Variants in FBXL5 observed in about 807,000 individuals in gnomAD.
FBXL5 encodes the protein F-box and leucine rich repeat protein 5.
FBXL5 carries 26 observed loss-of-function variants against 78.3 expected under a neutral mutation model. The observed-to-expected ratio is 0.33, with a 90% CI of 0.24 to 0.46. The LOEUF (loss-of-function observed/expected upper bound fraction) is 0.46, where lower values mean the gene tolerates loss of function less well. Ranked by LOEUF, FBXL5 falls within the 20% of genes least tolerant of loss-of-function variation. The probability of loss-of-function intolerance (pLI) is 1.00; values close to 1 mark genes in which losing one functional copy is unlikely to be tolerated. For missense variants in FBXL5, 710 were observed against 829.2 expected (o/e 0.86, Z 1.77); for synonymous variants, 295 against 282.5 (o/e 1.04, Z -0.45).
At chr4:15,656,164 A>C (rs537055147), upstream of FBXL5, 1 of 456,076 alleles carries the variant, frequency 2.2e-6, no homozygotes, top group South Asian at 1.5e-5. Flanking sequence ...TTGGTGCGGG[A>C]AAGAACCTTG....
rs1319133441 is a variant in FBXL5 at position 15,626,900 on chromosome 4, G to C, written c.1097C>G (p.Thr366Ser). The change falls in exon 8 of 11, where the codon ACT becomes AGT. Residue 366 changes from threonine (T) to serine (S), a missense_variant. Physicochemically the swap from Thr to Ser is moderately conservative, Grantham distance 58 (BLOSUM62 1). This residue lies in a region of FBXL5 where 517 missense variants were observed against 542.9 expected (regional missense o/e 0.95). Coordinates refer to ENST00000341285, the MANE Select transcript of FBXL5 (RefSeq NM_012161.4). ...PNLEHLDLTQ[T>S]DISDSAFDSW... Reference sequence around the variant, plus strand: ...GTCAAATGCAGAATCTGAAATGTCAGTCTGGGTAAGATCCAGATGCTCCAG... The same window carrying C: ...GTCAAATGCAGAATCTGAAATGTCACTCTGGGTAAGATCCAGATGCTCCAG... 6.2e-7 allele frequency: 1 copy of C among 1,611,490 alleles called. No homozygotes were observed. Among genetic ancestry groups the C allele is most frequent in the East Asian group, 2.2e-5 (1 of 44,814 alleles).
At chr4:15,655,099 G>C (rs1446547967) in intron 1 of FBXL5, 105 bp downstream of exon 1, 7 of 907,162 alleles carry the variant, frequency 7.7e-6, no homozygotes, top group South Asian at 5.2e-5. Flanking sequence ...GCGCGGCGAC[G>C]GCACGGGGCT....
intron 6 of FBXL5, 146 bp from the exon 7 acceptor site, chr4:15,628,179 AG>A (rs1280306989): frequency 2.5e-6 from 2 of 813,568 alleles, no homozygotes; most frequent in Admixed American, 6.7e-5. Flanking sequence ...GGCAATGAAA[AG>A]GTTTTGGAAA....
intron 9 of FBXL5, among the ~76,000 whole-genome samples, chr4:15,616,539 C>A (rs1367319107): frequency 6.6e-6 from 1 of 152,150 alleles, no homozygotes; most frequent in Admixed American, 6.5e-5. Context: ...ATCTGAACTC[C>A]CCTTTCATCC....
intron 2 of FBXL5, chr4:15,641,648 G>C (rs1714891744): frequency 2.2e-6 from 1 of 448,796 alleles, no homozygotes; most frequent in Non-Finnish European, 4.4e-6. Flanking sequence ...AGTTTTGAGA[G>C]ATTCAAAAGT....
chr4:15,625,661 T>A lies in FBXL5; in HGVS notation c.1441A>T (p.Met481Leu). 6.2e-7 allele frequency: 1 copy of A among 1,614,198 alleles called. No individual in the cohort carries two copies. The change falls in exon 9 of 11, where the codon ATG becomes TTG. Residue 481 changes from methionine to leucine, a missense_variant. Met to Leu is a conservative substitution (Grantham distance 15). Coordinates refer to ENST00000341285, the MANE Select transcript of FBXL5 (RefSeq NM_012161.4). ...TCAGCCAAATCTTCAGCATCTAACATCCACACATAAGGAGAAGTGAAATTC... is the reference window on the plus strand; with the variant it reads ...TCAGCCAAATCTTCAGCATCTAACAACCACACATAAGGAGAAGTGAAATTC... ...SENFTSPYVW[M>L]LDAEDLADIE...
At chr4:15,664,040 AG>A (rs1438211109), upstream of FBXL5, among the ~76,000 whole-genome samples, 1 of 152,190 alleles carries the variant, frequency 6.6e-6, no homozygotes, top group African/African-American at 2.4e-5. Context: ...AATTTGCCCA[AG>A]ACTACCCCAT....
At chr4:15,609,423 G>A (rs1247372907) in intron 10 of FBXL5, among the ~76,000 whole-genome samples, 1 of 151,924 alleles carries the variant, frequency 6.6e-6, no homozygotes, top group Non-Finnish European at 1.5e-5. Context: ...TGAGTTCTAA[G>A]TATATTACTT....
intron 1 of FBXL5, among the ~76,000 whole-genome samples, chr4:15,645,796 T>C (rs1715293604): frequency 6.6e-6 from 1 of 152,236 alleles, no homozygotes; most frequent in South Asian, 2.1e-4. Flanking sequence ...TTTCACATGG[T>C]TGTTAGTACT....
intron 2 of FBXL5, among the ~76,000 whole-genome samples, chr4:15,644,266 T>C (rs1234970997): frequency 6.6e-6 from 1 of 152,238 alleles, no homozygotes; most frequent in Non-Finnish European, 1.5e-5. Context: ...TATAAATCCC[T>C]ACTTGTCCTT....
At chr4:15,681,017 C>A (rs1413368106) in intron 1 of FBXL5, among the ~76,000 whole-genome samples, 13 of 150,676 alleles carry the variant, frequency 8.6e-5, no homozygotes. Flanking sequence ...GACAAAGATG[C>A]ACTTATTTGC....
chr4:15,644,297 T>A (rs1442635431), intron 2 of FBXL5, among the ~76,000 whole-genome samples, 196 bp downstream of exon 2: 1 of 152,260 alleles, frequency 6.6e-6, no homozygotes, highest in African/African-American at 2.4e-5. Flanking sequence ...CCGTCGGGAC[T>A]GATCTCTCTC....
chr4:15,620,669 G>T (rs1307981535), intron 9 of FBXL5, among the ~76,000 whole-genome samples: 4 of 152,200 alleles, frequency 2.6e-5, no homozygotes, highest in Non-Finnish European at 5.9e-5. Context: ...CCATAAACTG[G>T]CCCCAAAACT....
At chr4:15,677,618 CCAAA>C (rs1161307460) in intron 1 of FBXL5, among the ~76,000 whole-genome samples, 1 of 152,152 alleles carries the variant, frequency 6.6e-6, no homozygotes, top group Non-Finnish European at 1.5e-5. Flanking sequence ...CAAGGGGCTT[CCAAA>C]CACATTAATG....
At chr4:15,655,157 C>T (rs1316151427) in intron 1 of FBXL5, 47 bp downstream of exon 1, 1 of 1,331,820 alleles carries the variant, frequency 7.5e-7, no homozygotes, top group Non-Finnish European at 9.9e-7. Context: ...GCCCGCTCCC[C>T]ATCGCCGCCC....
At chr4:15,652,679 C>G (rs949357026) in intron 1 of FBXL5, among the ~76,000 whole-genome samples, 5 of 152,086 alleles carry the variant, frequency 3.3e-5, no homozygotes, top group Non-Finnish European at 5.9e-5. Flanking sequence ...CTGGCTTAAG[C>G]ATATAAGTGG....
chr4:15,654,902 G>C (rs1363804773), intron 1 of FBXL5, among the ~76,000 whole-genome samples: 1 of 152,120 alleles, frequency 6.6e-6, no homozygotes, highest in African/African-American at 2.4e-5. Flanking sequence ...CGCGGCGGTG[G>C]GGCCGGCCCG....
upstream of FBXL5, among the ~76,000 whole-genome samples, chr4:15,656,994 A>G (rs1223381451): frequency 1.3e-5 from 2 of 150,010 alleles, no homozygotes; most frequent in Non-Finnish European, 3.0e-5. Flanking sequence ...TGGCTTATTC[A>G]CAGTCTGTCT....
intron 5 of FBXL5, 66 bp from the exon 6 acceptor site, chr4:15,630,857 T>C (rs1253190746): frequency 1.3e-6 from 2 of 1,581,882 alleles, no homozygotes; most frequent in Non-Finnish European, 1.7e-6. Context: ...TATGAAAAAC[T>C]AAGCTATTTA....
Sources: allele counts gnomAD v4.1 joint callset (sites outside exome capture counted in the v4.1 genomes callset), GRCh38; gene constraint gnomAD v4.1.1; regional missense constraint gnomAD v4.1.1; transcripts MANE v1.5; gene names NCBI Gene and HGNC (gene_info 2026-07-23, HGNC 2026-07-21).